KITLG: variants seen among roughly 807,000 people sequenced by gnomAD.
KITLG encodes the protein c-Kit ligand.
A neutral mutation model predicts 34.1 loss-of-function variants in KITLG; 13 were observed. The observed-to-expected ratio is 0.38, with a 90% CI of 0.25 to 0.61. The LOEUF (loss-of-function observed/expected upper bound fraction) is 0.61. KITLG is among the 20% of genes least tolerant of loss of function. The pLI, the probability that KITLG is intolerant of heterozygous loss-of-function variation, is 0.60. For synonymous variants in KITLG, 110 were observed against 104.0 expected (o/e 1.06, Z -0.35); for missense variants, 292 against 318.9 (o/e 0.92, Z 0.64).
chr12:88,563,680 G>T (rs1468932343), intron 1 of KITLG, among the ~76,000 whole-genome samples: 1 of 152,172 alleles, frequency 6.6e-6, no homozygotes, highest in Non-Finnish European at 1.5e-5. Flanking sequence ...GGAAGATGTG[G>T]CCGGGCGCAG....
chr12:88,552,244 G>A (rs1374532345), intron 1 of KITLG, among the ~76,000 whole-genome samples: 2 of 149,558 alleles, frequency 1.3e-5, no homozygotes, highest in African/African-American at 2.5e-5. Flanking sequence ...GTGCAATCTC[G>A]GCTCACTGCA....
In KITLG at chr12:88,529,910, A is replaced by C. The variant is rs546833761; in HGVS notation, c.192+2531T>G. 5.3e-5 allele frequency among the ~76,000 whole-genome samples: 8 copies of C among 152,340 alleles called. No individual in the cohort carries two copies. The South Asian group carries it at 1.7e-3, about 32-fold the overall frequency. ...ACAGTGTTTCTCCAGTTGTGCCAGT[A>C]TAGCATGCCAGAATCAATAGTAGAT... On this transcript the variant is annotated intron_variant, in intron 3 of 9. Coordinates refer to ENST00000644744, the MANE Select transcript of KITLG (RefSeq NM_000899.5).
At chr12:88,547,244 C>T (rs1870750763) in intron 1 of KITLG, among the ~76,000 whole-genome samples, 1 of 152,150 alleles carries the variant, frequency 6.6e-6, no homozygotes, top group Admixed American at 6.5e-5. Context: ...TATCTGCATG[C>T]TAACTAGATA....
At chr12:88,513,628 A>C (rs115986586) in intron 6 of KITLG, among the ~76,000 whole-genome samples, 19 of 151,762 alleles carry the variant, frequency 1.3e-4, no homozygotes, top group Admixed American at 2.0e-4. Flanking sequence ...CTAATATCAG[A>C]CAAAATAAAC....
At chr12:88,527,124 T>C (rs1869902520) in intron 3 of KITLG, among the ~76,000 whole-genome samples, 1 of 152,042 alleles carries the variant, frequency 6.6e-6, no homozygotes, top group Non-Finnish European at 1.5e-5. Flanking sequence ...TGTCTCAGCC[T>C]CCCAAAATGC....
At position 88,532,524 on chromosome 12, in the gene KITLG, A is replaced by G; in HGVS notation, c.130-21T>C. The G allele has an allele frequency of 3.2e-6, 5 of 1,542,084 alleles. No homozygotes were observed. The South Asian group carries it at 3.5e-5, about 11-fold the overall frequency. On this transcript the variant is annotated intron_variant, in intron 2 of 9. Transcript: ENST00000644744. The stretch of plus-strand genomic sequence containing the variant: ...GCCACCTACAGAGACAAAAAAAAAA[A>G]TTCCATAAGAAAATTCTTATACATC...
intron 9 of KITLG, among the ~76,000 whole-genome samples, chr12:88,500,020 C>T (rs1000361899): frequency 2.2e-4 from 34 of 152,202 alleles, no homozygotes; most frequent in Non-Finnish European, 4.9e-4. Context: ...CCTTATGTGA[C>T]ACAAGGCATT....
chr12:88,539,920 C>CA lies in KITLG; in HGVS notation c.129+5831dup, dbSNP rs1226645556. On this transcript the variant is annotated intron_variant, in intron 2 of 9. Coordinates refer to ENST00000644744, the MANE Select transcript of KITLG (RefSeq NM_000899.5). ...AGACTGGGTGATAGACACCCTGTCT[C>CA]AAAAAAAAATTAAGATGACAACTTC... is the stretch of plus-strand genomic sequence containing the variant. Among the ~76,000 whole-genome samples, 6 of 150,526 alleles carry CA rather than the reference C, an allele frequency of 4.0e-5. No individual in the cohort carries two copies. In the East Asian group the frequency reaches 5.8e-4, roughly 15 times the overall value.
intron 3 of KITLG, among the ~76,000 whole-genome samples, chr12:88,523,838 A>G (rs1338338527): frequency 1.3e-5 from 2 of 152,192 alleles, no homozygotes; most frequent in Admixed American, 1.3e-4. Context: ...TTGGGTCTTC[A>G]GTGTTCACTT....
chr12:88,505,803 G>C (rs111618052), intron 8 of KITLG, among the ~76,000 whole-genome samples: 5 of 152,256 alleles, frequency 3.3e-5, no homozygotes, highest in African/African-American at 1.2e-4. Context: ...TATGAACCAG[G>C]GTTTACAGAA....
rs1350080426 is a variant in KITLG at position 88,580,463 on chromosome 12, G to T, written c.-185C>A. The T allele has an allele frequency of 6.9e-6, 5 of 728,716 alleles. No homozygotes were observed. 45.1% of individuals were successfully genotyped at this position (728,716 alleles called of 1,614,324 possible). A position where few individuals can be genotyped will look rare whatever the true frequency, so the allele number is the denominator to read the frequency against. On this transcript the variant is annotated 5_prime_UTR_variant, in exon 1 of 10. Coordinates refer to ENST00000644744, the MANE Select transcript of KITLG (RefSeq NM_000899.5). ...GCTTCTAGTCTCGGCGCGAGGCGGC[G>T]AGCGAAGCCCGGCTGCTGAGCCGCC...
Position 88,532,507 on chromosome 12 carries a change from C to T in KITLG, c.130-4G>A, listed in dbSNP as rs901634312. ...AGTCTTTTGGAAGATTTGCCACCTA[C>T]AGAGACAAAAAAAAAAATTCCATAA... On this transcript the variant is annotated splice_polypyrimidine_tract_variant and splice_region_variant and intron_variant, in intron 2 of 9. Transcript: ENST00000644744. The T allele has an allele frequency of 1.9e-5, 31 of 1,593,596 alleles. No individual in the cohort carries two copies. In the African/African-American group the frequency reaches 4.0e-4, roughly 20 times the overall value.
rs1426680922 is a variant in KITLG at position 88,493,983 on chromosome 12, C to T, written c.*3236G>A. 6.6e-6 allele frequency: 1 copy of T among 151,876 alleles called. No individual in the cohort carries two copies. The highest frequency in any genetic ancestry group is 6.6e-5 in the Admixed American group (1 of 15,218). The allele number at this position is 151,876 out of a possible 1,614,324, so 9.4% of individuals were successfully genotyped here. A position where few individuals can be genotyped will look rare whatever the true frequency, so the allele number is the denominator to read the frequency against. ...ACTTTTTATGGTCAAGATACTTATTCACAGAATCCAGAGTTGGATATTTTG... is the reference window on the plus strand; with the variant it reads ...ACTTTTTATGGTCAAGATACTTATTTACAGAATCCAGAGTTGGATATTTTG... On this transcript the variant is annotated 3_prime_UTR_variant, in exon 10 of 10. Coordinates refer to ENST00000644744, the MANE Select transcript of KITLG (RefSeq NM_000899.5).
intron 9 of KITLG, among the ~76,000 whole-genome samples, chr12:88,500,429 T>C (rs902946068): frequency 1.3e-5 from 2 of 152,186 alleles, no homozygotes; most frequent in African/African-American, 2.4e-5. Flanking sequence ...TAAAAATTGG[T>C]TATTATGTAT....
chr12:88,516,531 A>G (rs759303297), intron 4 of KITLG, 41 bp from the exon 5 acceptor site: 2 of 1,352,206 alleles, frequency 1.5e-6, no homozygotes, highest in Admixed American at 3.7e-5. Flanking sequence ...AATAGTCTTC[A>G]GACTTAACTG....
rs759217048 is a variant in KITLG at position 88,518,779 on chromosome 12, C to G, written c.281G>C (p.Gly94Ala). 15 of 1,612,932 alleles carry G rather than the reference C, an allele frequency of 9.3e-6. No individual in the cohort carries two copies. The East Asian group carries it at 3.3e-4, about 36-fold the overall frequency. The change falls in exon 4 of 10, where the codon GGC becomes GCC. Residue 94 changes from glycine (G) to alanine (A), a missense_variant. Transcript: ENST00000644744. ...GTCTATGATGGAATAATTACTCAAGCCTTCAGAAATATTTGAAAACTTGTC... is the reference window on the plus strand; with the variant it reads ...GTCTATGATGGAATAATTACTCAAGGCTTCAGAAATATTTGAAAACTTGTC... ...LLDKFSNISE[G>A]LSNYSIIDKL...
At chr12:88,516,206 A>G (rs1238517044) in intron 5 of KITLG, 128 bp downstream of exon 5, 3 of 790,938 alleles carry the variant, frequency 3.8e-6, no homozygotes, top group Non-Finnish European at 6.5e-6. Context: ...TGCTATTGAT[A>G]TCTGCTTTTT....
At chr12:88,498,136 C>T (rs1384264838) in intron 9 of KITLG, among the ~76,000 whole-genome samples, 1 of 152,162 alleles carries the variant, frequency 6.6e-6, no homozygotes, top group Non-Finnish European at 1.5e-5. Context: ...ATCCCATCTT[C>T]AATCCCAGTC....
chr12:88,516,303 C>T (rs1253191447), intron 5 of KITLG, 31 bp downstream of exon 5: 2 of 1,594,454 alleles, frequency 1.3e-6, no homozygotes, highest in Non-Finnish European at 8.6e-7. Context: ...TTGTTGTTTA[C>T]ATTTGAACTG....
Sources: gnomAD v4.1 joint callset for allele counts (sites outside exome capture counted in the v4.1 genomes callset) on GRCh38, gnomAD v4.1.1 for gene constraint, MANE v1.5 for transcripts, NCBI Gene and HGNC (gene_info 2026-07-23, HGNC 2026-07-21) for gene names.